GALNTL6: variants seen among roughly 807,000 people sequenced by gnomAD.
GALNTL6 encodes the protein polypeptide N-acetylgalactosaminyltransferase-like 6.
Under a neutral mutation model 73.7 loss-of-function variants are expected in GALNTL6, and 46 were observed. The ratio of observed to expected loss-of-function variants is 0.62; its 90% CI spans 0.49 to 0.80. The LOEUF (loss-of-function observed/expected upper bound fraction) is 0.80. Ranked by LOEUF, GALNTL6 falls within the 30% of genes least tolerant of loss-of-function variation. GALNTL6 has a pLI of 0.00. For missense variants in GALNTL6, 604 were observed against 755.0 expected (o/e 0.80, Z 2.34); for synonymous variants, 259 against 263.7 (o/e 0.98, Z 0.17).
At chr4:172,846,835 A>G (rs1743535179) in intron 7 of GALNTL6, among the ~76,000 whole-genome samples, 1 of 152,192 alleles carries the variant, frequency 6.6e-6, no homozygotes. Context: ...CTCAAATATA[A>G]TTCTGACTAC....
chr4:172,794,880 C>G (rs1015530161), intron 5 of GALNTL6, among the ~76,000 whole-genome samples: 1 of 152,172 alleles, frequency 6.6e-6, no homozygotes, highest in Non-Finnish European at 1.5e-5. Flanking sequence ...TGAGTCTAAA[C>G]GAGAGCTGTT....
At chr4:172,568,485 G>A (rs1307338751) in intron 5 of GALNTL6, among the ~76,000 whole-genome samples, 2 of 152,032 alleles carry the variant, frequency 1.3e-5, no homozygotes, top group Admixed American at 6.5e-5. Flanking sequence ...GGCCGGGCGC[G>A]GTGGCTCACG....
chr4:171,957,462 G>T (rs980478916), intron 2 of GALNTL6, among the ~76,000 whole-genome samples: 2 of 152,154 alleles, frequency 1.3e-5, no homozygotes, highest in African/African-American at 4.8e-5. Flanking sequence ...AAAATTTATG[G>T]ACAGCCAACC....
chr4:172,006,836 G>A (rs1740858921), intron 2 of GALNTL6, among the ~76,000 whole-genome samples: 2 of 151,460 alleles, frequency 1.3e-5, no homozygotes. Context: ...ATTACAGAAG[G>A]TTAAAATAAT....
chr4:171,916,256 G>GA (rs953832306), intron 2 of GALNTL6, among the ~76,000 whole-genome samples: 2 of 149,976 alleles, frequency 1.3e-5, no homozygotes, highest in African/African-American at 2.4e-5. Flanking sequence ...AAGAGATGCT[G>GA]AAAAAAAAAG....
intron 3 of GALNTL6, among the ~76,000 whole-genome samples, chr4:172,270,493 A>C (rs13142708): frequency 6.6e-6 from 1 of 152,280 alleles, no homozygotes; most frequent in Middle Eastern, 3.4e-3. Flanking sequence ...TGGCTTGTTC[A>C]ATACACATGA....
intron 2 of GALNTL6, among the ~76,000 whole-genome samples, chr4:172,103,113 C>A (rs1339089301): frequency 5.3e-5 from 8 of 152,134 alleles, no homozygotes; most frequent in Non-Finnish European, 7.3e-5. Context: ...GTTGCAACTC[C>A]TTCTAGAGAG....
chr4:171,819,942 G>T (rs1258130471), intron 2 of GALNTL6, among the ~76,000 whole-genome samples: 1 of 152,148 alleles, frequency 6.6e-6, no homozygotes, highest in African/African-American at 2.4e-5. Flanking sequence ...AAAGGTGCAA[G>T]TGTGCAAAGA....
chr4:172,071,476 T>C (rs1731532780), intron 2 of GALNTL6, among the ~76,000 whole-genome samples: 1 of 111,098 alleles, frequency 9.0e-6, no homozygotes, highest in South Asian at 2.6e-4. Flanking sequence ...TACCCTACAA[T>C]GTCACAAAAA....
At chr4:171,823,032 T>C (rs774618091) in intron 2 of GALNTL6, among the ~76,000 whole-genome samples, 18 of 152,156 alleles carry the variant, frequency 1.2e-4, no homozygotes, top group Non-Finnish European at 2.4e-4. Context: ...TTTGAGTCCA[T>C]GAGCTCTGGA....
At chr4:172,026,811 T>C (rs2110812157) in intron 2 of GALNTL6, among the ~76,000 whole-genome samples, 1 of 152,296 alleles carries the variant, frequency 6.6e-6, no homozygotes, top group South Asian at 2.1e-4. Flanking sequence ...TACTGTTACC[T>C]ATATAAAACA....
intron 2 of GALNTL6, among the ~76,000 whole-genome samples, chr4:172,152,143 A>C (rs1411513381): frequency 6.6e-6 from 1 of 151,728 alleles, no homozygotes; most frequent in Non-Finnish European, 1.5e-5. Flanking sequence ...GCCCTGGCTA[A>C]ATTTTTGTAT....
intron 2 of GALNTL6, among the ~76,000 whole-genome samples, chr4:172,173,164 T>G (rs1297525246): frequency 1.3e-5 from 2 of 152,336 alleles, no homozygotes; most frequent in East Asian, 3.9e-4. Flanking sequence ...TTTCCAAAAC[T>G]GAAACTTTCC....
chr4:172,167,714 T>G (rs1226753504), intron 2 of GALNTL6, among the ~76,000 whole-genome samples: 3 of 150,850 alleles, frequency 2.0e-5, no homozygotes, highest in Admixed American at 6.6e-5. Context: ...ATCCCAGCAC[T>G]TTGGGAGGCC....
chr4:172,246,260 T>C (rs1737653052), intron 3 of GALNTL6, among the ~76,000 whole-genome samples: 1 of 152,170 alleles, frequency 6.6e-6, no homozygotes, highest in African/African-American at 2.4e-5. Flanking sequence ...TCCAATTTTA[T>C]TATTGGACTA....
At chr4:172,380,331 T>G (rs1743234065) in intron 5 of GALNTL6, 11 of 723,136 alleles carry the variant, frequency 1.5e-5, no homozygotes, top group South Asian at 1.4e-4. Context: ...AGTCCAAGTT[T>G]AAAAGTCCCT....
chr4:172,581,776 G>A (rs1251357938), intron 5 of GALNTL6, among the ~76,000 whole-genome samples: 1 of 152,124 alleles, frequency 6.6e-6, no homozygotes, highest in African/African-American at 2.4e-5. Context: ...TAGGAAAATT[G>A]TTCCCAACAG....
Position 172,236,694 on chromosome 4 carries a change from A to AT in GALNTL6, c.247+6936dup, listed in dbSNP as rs543853781. ...TTACACCTCTGTGGAATATTTGGTG[A>AT]TTTTTTAGATATCAGTTATTTTATT... On this transcript the variant is annotated intron_variant, in intron 3 of 12. Transcript: ENST00000506823. Among the ~76,000 whole-genome samples the AT allele has an allele frequency of 4.3e-3, 645 of 151,724 alleles. 6 individuals are homozygous for AT. Among genetic ancestry groups the AT allele is most frequent in the Middle Eastern group, 0.01 (3 of 294 alleles).
At chr4:171,946,421 T>C (rs969533853) in intron 2 of GALNTL6, among the ~76,000 whole-genome samples, 3 of 152,174 alleles carry the variant, frequency 2.0e-5, no homozygotes, top group Non-Finnish European at 4.4e-5. Context: ...TCTTAAGCAA[T>C]TCCTGGGTAG....
Sources: allele counts gnomAD v4.1 joint callset (sites outside exome capture counted in the v4.1 genomes callset), GRCh38; gene constraint gnomAD v4.1.1; transcripts MANE v1.5; gene names NCBI Gene and HGNC (gene_info 2026-07-23, HGNC 2026-07-21).